Variants in STK33 observed in about 807,000 individuals in gnomAD.
The protein encoded by STK33 is serine/threonine kinase 33, also known as serine/threonine-protein kinase 33.
In STK33, 52 loss-of-function variants were observed where a neutral mutation model predicts 58.0. The ratio of observed to expected loss-of-function variants is 0.90; its 90% CI spans 0.72 to 1.13. The LOEUF (loss-of-function observed/expected upper bound fraction) is 1.13, where lower values mean the gene tolerates loss of function less well. STK33 is among the 50% of genes most tolerant of loss of function. STK33 has a pLI of 0.00. For missense variants in STK33, 630 were observed against 604.2 expected (o/e 1.04, Z -0.45); for synonymous variants, 215 against 200.1 (o/e 1.07, Z -0.63).
In STK33 at chr11:8,542,846, A is replaced by T. The variant is rs1008778427; in HGVS notation, c.-466+51237T>A. Among the ~76,000 whole-genome samples the T allele has an allele frequency of 5.3e-5, 8 of 152,182 alleles. No individual in the cohort carries two copies. The Middle Eastern group carries it at 0.024, about 453-fold the overall frequency. On this transcript the variant is annotated intron_variant, in intron 1 of 15. Coordinates refer to ENST00000687296, the MANE Select transcript of STK33 (RefSeq NM_001352389.2). ...CCACTTAGTCTCCTGAGTAGCTGAG[A>T]CTACAGGTACACACCACCACACCCA...
the STK33 span, among the ~76,000 whole-genome samples, chr11:8,336,239 G>T: frequency 2.6e-5 from 4 of 152,230 alleles, no homozygotes; most frequent in South Asian, 8.3e-4. Context: ...GAGGAAGGAG[G>T]GCCAATGGAG....
chr11:8,483,507 G>A (rs1949988579), intron 1 of STK33, among the ~76,000 whole-genome samples: 1 of 152,284 alleles, frequency 6.6e-6, no homozygotes, highest in African/African-American at 2.4e-5. Flanking sequence ...TACTGTAATG[G>A]AATAGTCTTA....
chr11:8,447,527 G>A (rs1437504654), intron 11 of STK33, among the ~76,000 whole-genome samples: 1 of 152,056 alleles, frequency 6.6e-6, no homozygotes, highest in Non-Finnish European at 1.5e-5. Context: ...CAGAACCAAC[G>A]ACAAAAACCA....
chr11:8,372,682 T>C, the STK33 span, among the ~76,000 whole-genome samples: 2 of 152,384 alleles, frequency 1.3e-5, no homozygotes, highest in African/African-American at 4.8e-5. Context: ...TTCCCAAGGC[T>C]GACTGGGACA....
At chr11:8,524,322 A>AAAAT (rs1234160083) in intron 1 of STK33, among the ~76,000 whole-genome samples, 9 of 152,180 alleles carry the variant, frequency 5.9e-5, no homozygotes, top group African/African-American at 1.2e-4. Context: ...TAAATACTAT[A>AAAAT]AAATAAATAA....
Position 8,474,761 on chromosome 11 carries a change from C to G in STK33, c.145G>C (p.Gly49Arg). The change falls in exon 5 of 16, where the codon GGT becomes CGT. Residue 49 changes from glycine (G) to arginine (R), a missense_variant. Coordinates refer to ENST00000687296, the MANE Select transcript of STK33 (RefSeq NM_001352389.2). ...AGTGAAATTAAAGATTCTGCACTAC[C>G]AATGCTTGATGTCTGTGACATTTCC... ...VVEMSQTSSI[G>R]SAESLISLER... The G allele has an allele frequency of 6.2e-7, 1 of 1,612,358 alleles. No homozygotes were observed. Among genetic ancestry groups the G allele is most frequent in the African/African-American group, 1.3e-5 (1 of 74,896 alleles).
intron 1 of STK33, among the ~76,000 whole-genome samples, chr11:8,553,197 T>G (rs1327017402): frequency 3.2e-5 from 2 of 63,226 alleles, no homozygotes; most frequent in Non-Finnish European, 5.4e-5. Flanking sequence ...TATATATATA[T>G]GGTGTATATA....
chr11:8,499,509 G>A (rs1227992345), intron 1 of STK33, among the ~76,000 whole-genome samples: 1 of 152,184 alleles, frequency 6.6e-6, no homozygotes, highest in Non-Finnish European at 1.5e-5. Flanking sequence ...GGAAGACAGA[G>A]TGGCAATTCC....
chr11:8,413,344 A>G (rs1485621480), intron 15 of STK33, 151 bp downstream of exon 15: 1 of 843,456 alleles, frequency 1.2e-6, no homozygotes, highest in Non-Finnish European at 1.9e-6. Context: ...AAATCATGCT[A>G]GCCTTATAAG....
chr11:8,457,216 A>G, intron 9 of STK33, 125 bp downstream of exon 9: 1 of 842,806 alleles, frequency 1.2e-6, no homozygotes, highest in Admixed American at 3.7e-5. Context: ...ATTTTTAACT[A>G]AAAATTAAAT....
Position 8,408,012 on chromosome 11 carries a change from G to A in STK33, c.1344+5483C>T, listed in dbSNP as rs569681851. Among the ~76,000 whole-genome samples, 31 of 152,178 alleles carry A rather than the reference G, an allele frequency of 2.0e-4. No individual in the cohort carries two copies. In the South Asian group the frequency reaches 2.5e-3, roughly 12 times the overall value. ...CCACAGATAGTTCATCAGAAAAAATGATCAAAAGTTAAGAAAAAAGGAAAG... is the reference window on the plus strand; with the variant it reads ...CCACAGATAGTTCATCAGAAAAAATAATCAAAAGTTAAGAAAAAAGGAAAG... On this transcript the variant is annotated intron_variant, in intron 15 of 15. Coordinates refer to ENST00000687296, the MANE Select transcript of STK33 (RefSeq NM_001352389.2).
intron 1 of STK33, among the ~76,000 whole-genome samples, chr11:8,530,288 C>T (rs12418525): frequency 0.057 from 8,596 of 150,884 alleles, 439 homozygotes; most frequent in African/African-American, 0.15. Flanking sequence ...GGGGAGATAG[C>T]GGACAAAAGA....
chr11:8,516,573 C>G (rs1177029952), intron 1 of STK33, among the ~76,000 whole-genome samples: 3 of 152,246 alleles, frequency 2.0e-5, no homozygotes, highest in Non-Finnish European at 4.4e-5. Context: ...GGGGAATTCC[C>G]TTTCCTGGCA....
At chr11:8,451,339 C>T (rs955748477) in intron 11 of STK33, among the ~76,000 whole-genome samples, 1 of 152,102 alleles carries the variant, frequency 6.6e-6, no homozygotes, top group East Asian at 1.9e-4. Flanking sequence ...TCCACATGTG[C>T]ATCAGGGGTA....
At chr11:8,371,729 T>TCCCTCCC in the STK33 span, among the ~76,000 whole-genome samples, 1 of 123,752 alleles carries the variant, frequency 8.1e-6, no homozygotes, top group Non-Finnish European at 1.9e-5. Flanking sequence ...CCCTCCCTTC[T>TCCCTCCC]TCTCTCCCTC....
At chr11:8,397,918 A>G (rs1399574280) in intron 15 of STK33, among the ~76,000 whole-genome samples, 1 of 152,224 alleles carries the variant, frequency 6.6e-6, no homozygotes, top group African/African-American at 2.4e-5. Flanking sequence ...AGAAAAAAGA[A>G]TAAAAAGAAA....
chr11:8,474,714 A>T lies in STK33; in HGVS notation c.192T>A (p.Asn64Lys). 6.2e-7 allele frequency: 1 copy of T among 1,611,526 alleles called. No individual in the cohort carries two copies. Among genetic ancestry groups the T allele is most frequent in the African/African-American group, 1.3e-5 (1 of 74,770 alleles). The change falls in exon 5 of 16, where the codon AAT becomes AAA. Residue 64 changes from asparagine to lysine, a missense_variant. Coordinates refer to ENST00000687296, the MANE Select transcript of STK33 (RefSeq NM_001352389.2). ...LISLERKKEK[N>K]INRDITSRKD... ...TCCTGGAGGTTATATCTCTGTTGAT[A>T]TTTTTTTCTTTTTTTCTCTCCAGTG...
At chr11:8,512,419 G>A (rs1952410792) in intron 1 of STK33, among the ~76,000 whole-genome samples, 1 of 152,026 alleles carries the variant, frequency 6.6e-6, no homozygotes, top group Non-Finnish European at 1.5e-5. Context: ...AAGTGCTACT[G>A]GCTCAAAGAA....
chr11:8,523,036 T>C (rs1349963678), intron 1 of STK33, among the ~76,000 whole-genome samples: 7 of 152,258 alleles, frequency 4.6e-5, no homozygotes, highest in Admixed American at 3.9e-4. Context: ...GCGAGTGATC[T>C]GCCAGCCTCG....
Sources: allele counts gnomAD v4.1 joint callset (sites outside exome capture counted in the v4.1 genomes callset), GRCh38; gene constraint gnomAD v4.1.1; transcripts MANE v1.5; gene names NCBI Gene and HGNC (gene_info 2026-07-23, HGNC 2026-07-21).